Variants in SIL1 observed in about 807,000 individuals in gnomAD.
SIL1 encodes nucleotide exchange factor SIL1.
SIL1 carries 40 observed loss-of-function variants against 49.1 expected under a neutral mutation model. The observed-to-expected ratio is 0.81, with a 90% CI of 0.63 to 1.06. SIL1 has a LOEUF of 1.06. Ranked by LOEUF, SIL1 falls within the 50% of genes least tolerant of loss-of-function variation. The probability of loss-of-function intolerance (pLI) is 0.00; values close to 1 mark genes in which losing one functional copy is unlikely to be tolerated. For missense variants in SIL1, 500 were observed against 572.6 expected, an observed-to-expected ratio of 0.87 and a Z score of 1.29; for synonymous variants, 253 against 250.8, an observed-to-expected ratio of 1.01 and a Z score of -0.08.
intron 3 of SIL1, among the ~76,000 whole-genome samples, chr5:139,089,888 T>C (rs1209569907): frequency 6.6e-6 from 1 of 152,198 alleles, no homozygotes. Context: ...GAAGCGGTGA[T>C]TGCACAACAT....
At chr5:139,028,916 T>C (rs1768723973) in intron 5 of SIL1, among the ~76,000 whole-genome samples, 1 of 152,218 alleles carries the variant, frequency 6.6e-6, no homozygotes. Flanking sequence ...TATCCTCCCA[T>C]GCTACTCTCT....
At chr5:139,188,893 TGAGA>T (rs1382073664) in intron 1 of SIL1, among the ~76,000 whole-genome samples, 1 of 152,024 alleles carries the variant, frequency 6.6e-6, no homozygotes, top group Non-Finnish European at 1.5e-5. Context: ...AGAGAGAACC[TGAGA>T]AAGATAAGCA....
chr5:139,197,960 G>C (rs150836466), intron 1 of SIL1, among the ~76,000 whole-genome samples: 3 of 152,312 alleles, frequency 2.0e-5, no homozygotes, highest in Admixed American at 6.5e-5. Context: ...ACTTAGGCTG[G>C]GAGAATGAAA....
At chr5:139,057,127 G>A (rs1275150923) in intron 3 of SIL1, among the ~76,000 whole-genome samples, 7 of 151,098 alleles carry the variant, frequency 4.6e-5, no homozygotes, top group South Asian at 4.2e-4. Flanking sequence ...CAGCATGCTC[G>A]TTAAGAGTCA....
At chr5:139,194,070 C>G (rs1752222133) in intron 1 of SIL1, among the ~76,000 whole-genome samples, 1 of 152,118 alleles carries the variant, frequency 6.6e-6, no homozygotes, top group African/African-American at 2.4e-5. Context: ...AAGCCAAGGG[C>G]AGTATTAGGA....
At chr5:139,193,458 C>T (rs1252436922) in intron 1 of SIL1, among the ~76,000 whole-genome samples, 2 of 152,086 alleles carry the variant, frequency 1.3e-5, no homozygotes, top group African/African-American at 4.8e-5. Flanking sequence ...ATCCCAGTTA[C>T]TCAGGAGGCT....
chr5:139,180,617 GCAC>G (rs1305408519), intron 1 of SIL1, among the ~76,000 whole-genome samples: 1 of 152,090 alleles, frequency 6.6e-6, no homozygotes, highest in Non-Finnish European at 1.5e-5. Flanking sequence ...AAACTGAGAT[GCAC>G]CACCACTTCC....
chr5:139,056,129 C>G (rs1353570556), intron 3 of SIL1, among the ~76,000 whole-genome samples: 1 of 151,426 alleles, frequency 6.6e-6, no homozygotes, highest in Non-Finnish European at 1.5e-5. Flanking sequence ...TGCTTGGCCA[C>G]CCATCGTCTG....
chr5:138,994,715 T>G (rs1310782860), intron 7 of SIL1, among the ~76,000 whole-genome samples: 2 of 152,206 alleles, frequency 1.3e-5, no homozygotes, highest in African/African-American at 4.8e-5. Flanking sequence ...ATAAATTTAA[T>G]TTCCGGGACA....
chr5:139,197,702 A>G (rs1752304766), intron 1 of SIL1, among the ~76,000 whole-genome samples: 2 of 152,134 alleles, frequency 1.3e-5, no homozygotes, highest in Admixed American at 1.3e-4. Context: ...CCTGAATGAG[A>G]ACCCCCTGGG....
At chr5:139,064,688 G>A (rs1055863149) in intron 3 of SIL1, among the ~76,000 whole-genome samples, 2 of 152,198 alleles carry the variant, frequency 1.3e-5, no homozygotes, top group Non-Finnish European at 2.9e-5. Context: ...GGTTTCACTA[G>A]AAGGAATTGC....
intron 5 of SIL1, among the ~76,000 whole-genome samples, chr5:139,033,241 C>T (rs893410802): frequency 6.6e-6 from 1 of 152,022 alleles, no homozygotes; most frequent in African/African-American, 2.4e-5. Flanking sequence ...GTGATCTGCC[C>T]ACCTCAGCCT....
chr5:139,177,202 G>A (rs1751902754), intron 1 of SIL1, among the ~76,000 whole-genome samples: 1 of 151,780 alleles, frequency 6.6e-6, no homozygotes, highest in Non-Finnish European at 1.5e-5. Flanking sequence ...AAAGTGCTGG[G>A]ATTATAGGCG....
chr5:139,137,490 TA>T (rs1195495287), intron 1 of SIL1: 3 of 540,268 alleles, frequency 5.6e-6, no homozygotes, highest in Admixed American at 3.4e-5. Flanking sequence ...ACAGTATAAA[TA>T]AAAAGGCACA....
chr5:138,977,790 T>C (rs1767424812), intron 7 of SIL1, among the ~76,000 whole-genome samples: 1 of 152,206 alleles, frequency 6.6e-6, no homozygotes, highest in Non-Finnish European at 1.5e-5. Flanking sequence ...CACCTCTTCT[T>C]AGTCTTTCTT....
chr5:138,971,341 G>A (rs566398117), intron 7 of SIL1, among the ~76,000 whole-genome samples: 4 of 151,974 alleles, frequency 2.6e-5, no homozygotes, highest in Non-Finnish European at 5.9e-5. Flanking sequence ...GTGACCTACC[G>A]GCTTGAAATG....
intron 3 of SIL1, among the ~76,000 whole-genome samples, chr5:139,066,695 T>C (rs1198071885): frequency 6.6e-6 from 1 of 151,970 alleles, no homozygotes; most frequent in Non-Finnish European, 1.5e-5. Context: ...CTCTACTCTT[T>C]TTACTTTACT....
intron 7 of SIL1, among the ~76,000 whole-genome samples, chr5:138,999,538 T>C (rs960102100): frequency 6.6e-6 from 1 of 152,128 alleles, no homozygotes; most frequent in African/African-American, 2.4e-5. Flanking sequence ...AGAGTACACC[T>C]GCAGTCCTAG....
intron 3 of SIL1, among the ~76,000 whole-genome samples, chr5:139,053,186 A>G (rs998076208): frequency 2.6e-5 from 4 of 152,128 alleles, no homozygotes; most frequent in African/African-American, 9.7e-5. Context: ...GCTAAACAAG[A>G]CAATAGTCCC....
Sources: allele counts gnomAD v4.1 joint callset (sites outside exome capture counted in the v4.1 genomes callset), GRCh38; gene constraint gnomAD v4.1.1; transcripts MANE v1.5; gene names NCBI Gene and HGNC (gene_info 2026-07-23, HGNC 2026-07-21).